Variants in ARIH1 observed in about 807,000 individuals in gnomAD.
The protein encoded by ARIH1 is ariadne RBR E3 ubiquitin protein ligase 1, also known as E3 ubiquitin-protein ligase ARIH1.
In ARIH1, 8 loss-of-function variants were observed where a neutral mutation model predicts 85.0. That is an observed-to-expected ratio of 0.09 (90% confidence interval 0.06 to 0.17). The LOEUF (loss-of-function observed/expected upper bound fraction) is 0.17, where lower values mean the gene tolerates loss of function less well. Ranked by LOEUF, ARIH1 falls within the 10% of genes least tolerant of loss-of-function variation. The pLI, the probability that ARIH1 is intolerant of heterozygous loss-of-function variation, is 1.00. For synonymous variants in ARIH1, 238 were observed against 253.6 expected (o/e 0.94, Z 0.59); for missense variants, 311 against 718.1 (o/e 0.43, Z 6.48).
At chr15:72,517,997 C>T (rs2063982742) in intron 1 of ARIH1, 70 bp from the exon 2 acceptor site, 2 of 1,183,084 alleles carry the variant, frequency 1.7e-6, no homozygotes, top group Admixed American at 2.0e-5. Flanking sequence ...TTAACTTCAA[C>T]CTAGGAGTTC....
At chr15:72,532,294 A>C (rs1047351869) in intron 2 of ARIH1, among the ~76,000 whole-genome samples, 4 of 152,088 alleles carry the variant, frequency 2.6e-5, no homozygotes, top group African/African-American at 9.7e-5. Flanking sequence ...TTTAAAAAAA[A>C]ACTCTTAAAA....
At chr15:72,533,285 A>G (rs1043798671) in intron 2 of ARIH1, among the ~76,000 whole-genome samples, 6 of 152,126 alleles carry the variant, frequency 3.9e-5, no homozygotes, top group African/African-American at 1.4e-4. Flanking sequence ...CCATGCCCCC[A>G]AGCACAGCTG....
At chr15:72,537,932 A>G (rs1299763655) in intron 2 of ARIH1, among the ~76,000 whole-genome samples, 1 of 152,192 alleles carries the variant, frequency 6.6e-6, no homozygotes, top group Non-Finnish European at 1.5e-5. Flanking sequence ...ATAACCTATA[A>G]TGTGTTTTTT....
chr15:72,557,955 G>A (rs1001740268), intron 5 of ARIH1, among the ~76,000 whole-genome samples: 11 of 152,140 alleles, frequency 7.2e-5, no homozygotes, highest in Admixed American at 6.5e-5. Context: ...AGAGTCTTTA[G>A]GGTTATTTCT....
chr15:72,546,466 G>T (rs1178570743), intron 3 of ARIH1, among the ~76,000 whole-genome samples: 1 of 152,126 alleles, frequency 6.6e-6, no homozygotes, highest in Non-Finnish European at 1.5e-5. Flanking sequence ...CGGGAGGTAA[G>T]CCATTTAATG....
intron 1 of ARIH1, among the ~76,000 whole-genome samples, chr15:72,490,749 A>G (rs2140396170): frequency 1.3e-5 from 2 of 152,220 alleles, no homozygotes; most frequent in Middle Eastern, 3.4e-3. Context: ...TTATGTGGGC[A>G]GCCAATAGCA....
At chr15:72,575,589 G>T (rs2064267395) in intron 11 of ARIH1, among the ~76,000 whole-genome samples, 1 of 148,566 alleles carries the variant, frequency 6.7e-6, no homozygotes, top group Admixed American at 6.7e-5. Context: ...CTTATTAGCA[G>T]TGATGGTATG....
At chr15:72,540,862 A>G (rs1054192479) in intron 2 of ARIH1, among the ~76,000 whole-genome samples, 9 of 152,166 alleles carry the variant, frequency 5.9e-5, no homozygotes, top group Admixed American at 2.6e-4. Flanking sequence ...ATTAACTCCA[A>G]TATACGCTAT....
intron 5 of ARIH1, among the ~76,000 whole-genome samples, chr15:72,558,347 C>A (rs192955467): frequency 1.3e-5 from 2 of 152,270 alleles, no homozygotes; most frequent in Admixed American, 6.5e-5. Context: ...TTTGCCCAGG[C>A]TGGAGTACAA....
chr15:72,484,649 G>GTATA (rs973862130), intron 1 of ARIH1, among the ~76,000 whole-genome samples: 3 of 150,258 alleles, frequency 2.0e-5, no homozygotes, highest in Non-Finnish European at 3.0e-5. Flanking sequence ...ATATATATGT[G>GTATA]TATATATATA....
intron 5 of ARIH1, among the ~76,000 whole-genome samples, chr15:72,560,822 A>C (rs2064194333): frequency 2.6e-5 from 1 of 38,530 alleles, no homozygotes; most frequent in African/African-American, 4.3e-5. Flanking sequence ...TGTCTTTCTC[A>C]GTGGGAATAC....
At chr15:72,524,782 C>G (rs1218767958) in intron 2 of ARIH1, among the ~76,000 whole-genome samples, 6 of 152,256 alleles carry the variant, frequency 3.9e-5, no homozygotes. Flanking sequence ...CAGAATAACC[C>G]AGTTCCAAAA....
Position 72,599,862 on chromosome 15 carries a change from A to G in ARIH1, c.*16570A>G, listed in dbSNP as rs538464878. 1 of 152,304 alleles carries G rather than the reference A, an allele frequency of 6.6e-6. No individual in the cohort carries two copies. Among genetic ancestry groups the G allele is most frequent in the African/African-American group, 2.4e-5 (1 of 41,548 alleles). The allele number at this position is 152,304 out of a possible 1,614,324, so 9.4% of individuals were successfully genotyped here. On this transcript the variant is annotated 3_prime_UTR_variant, in exon 14 of 14. Transcript: ENST00000379887. ...TATTATGCCTTTGTCCACATTCACC[A>G]TTGATTGCTATTGAGTATATCTGTA...
rs1009132554 is a variant in ARIH1, at chr15:72,588,864, CAG to C, written c.*5575_*5576del. On this transcript the variant is annotated 3_prime_UTR_variant, in exon 14 of 14. Transcript: ENST00000379887. ...AGAAATCTATCTAGGGAAAATAATA[CAG>C]AGTCTGAGCAAAGGAAGTTGAGTGG... 3 of 152,186 alleles carry C rather than the reference CAG, an allele frequency of 2.0e-5. No individual in the cohort carries two copies. Among genetic ancestry groups the C allele is most frequent in the Admixed American group, 6.5e-5 (1 of 15,284 alleles). 9.4% of individuals were successfully genotyped at this position (152,186 alleles called of 1,614,324 possible). A position where few individuals can be genotyped will look rare whatever the true frequency, so the allele number is the denominator to read the frequency against.
At chr15:72,523,939 C>CTTTTTTT (rs397853910) in intron 2 of ARIH1, among the ~76,000 whole-genome samples, 17 of 61,706 alleles carry the variant, frequency 2.8e-4, no homozygotes, top group South Asian at 1.1e-3. Context: ...ACTTTTACAT[C>CTTTTTTT]TTTTTTTTTT....
intron 5 of ARIH1, among the ~76,000 whole-genome samples, chr15:72,560,711 C>G (rs557919925): frequency 1.3e-5 from 2 of 152,202 alleles, no homozygotes; most frequent in South Asian, 4.2e-4. Flanking sequence ...AGGGTGGGAT[C>G]TTGTGGAAGG....
intron 3 of ARIH1, among the ~76,000 whole-genome samples, chr15:72,546,984 G>A (rs1234078464): frequency 2.0e-5 from 3 of 151,674 alleles, no homozygotes; most frequent in African/African-American, 7.3e-5. Flanking sequence ...CTGGAGTGCA[G>A]TGGTGCGATC....
At chr15:72,506,398 A>G (rs2063926034) in intron 1 of ARIH1, among the ~76,000 whole-genome samples, 1 of 145,566 alleles carries the variant, frequency 6.9e-6, no homozygotes, top group African/African-American at 2.5e-5. Flanking sequence ...ATTGTGGAAG[A>G]TTTAAAGCAT....
chr15:72,567,027 GACTATAGTTA>G, intron 8 of ARIH1, 69 bp from the exon 9 acceptor site: 1 of 1,044,736 alleles, frequency 9.6e-7, no homozygotes, highest in South Asian at 1.5e-5. Context: ...ATTTAAGCTT[GACTATAGTTA>G]AGTGCTAAAG....
Sources: allele counts gnomAD v4.1 joint callset (sites outside exome capture counted in the v4.1 genomes callset), GRCh38; gene constraint gnomAD v4.1.1; transcripts MANE v1.5; gene names NCBI Gene and HGNC (gene_info 2026-07-23, HGNC 2026-07-21).